Variants in RELN observed in about 807,000 individuals in gnomAD.
The protein encoded by RELN is reelin.
In RELN, 108 loss-of-function variants were observed where a neutral mutation model predicts 427.6. The ratio of observed to expected loss-of-function variants is 0.25; its 90% CI spans 0.22 to 0.30. The LOEUF is 0.30. Ranked by LOEUF, RELN falls within the 10% of genes least tolerant of loss-of-function variation. The pLI, the probability that RELN is intolerant of heterozygous loss-of-function variation, is 1.00. For missense variants in RELN, 3,715 were observed against 4,302.8 expected, an observed-to-expected ratio of 0.86 and a Z score of 3.82; for synonymous variants, 1,524 against 1,513.4, an observed-to-expected ratio of 1.01 and a Z score of -0.16.
intron 1 of RELN, among the ~76,000 whole-genome samples, chr7:103,923,450 C>T (rs918589835): frequency 8.1e-5 from 12 of 148,770 alleles, no homozygotes; most frequent in Non-Finnish European, 1.2e-4. Flanking sequence ...ATTCCCAAAC[C>T]AACAACAGCA....
At chr7:103,647,590 G>T (rs1380070186) in intron 16 of RELN, among the ~76,000 whole-genome samples, 1 of 150,740 alleles carries the variant, frequency 6.6e-6, no homozygotes, top group East Asian at 1.9e-4. Context: ...TATACTCATG[G>T]ATTAGAAGAA....
intron 10 of RELN, among the ~76,000 whole-genome samples, chr7:103,693,939 A>G (rs772974939): frequency 6.6e-5 from 10 of 152,166 alleles, no homozygotes; most frequent in Non-Finnish European, 1.3e-4. Flanking sequence ...TCTTCCTTAA[A>G]TACACAATAG....
chr7:103,519,971 CAT>C (rs1212431129), intron 48 of RELN, among the ~76,000 whole-genome samples: 3 of 152,176 alleles, frequency 2.0e-5, no homozygotes, highest in Non-Finnish European at 4.4e-5. Flanking sequence ...GTACCCAGCA[CAT>C]GTTTGCTGAA....
chr7:103,596,412 C>T lies in RELN; in HGVS notation c.3539+44G>A, dbSNP rs569347766. The T allele has an allele frequency of 1.4e-5, 21 of 1,501,826 alleles. 1 individual carries two copies. In the South Asian group the frequency reaches 2.3e-4, roughly 16 times the overall value. The allele number at this position is 1,501,826 out of a possible 1,614,324, so 93.0% of individuals were successfully genotyped here. A position where few individuals can be genotyped will look rare whatever the true frequency, so the allele number is the denominator to read the frequency against. On this transcript the variant is annotated intron_variant, in intron 25 of 64. Transcript: ENST00000428762. ...CACATCAACAATGATTTAACCTTTA[C>T]CATTCCTGGAAACTAATGCGAGGAC...
At chr7:103,972,083 A>G (rs561369018) in intron 1 of RELN, among the ~76,000 whole-genome samples, 1 of 152,300 alleles carries the variant, frequency 6.6e-6, no homozygotes, top group East Asian at 1.9e-4. Context: ...AAAAATAAGT[A>G]AATAGATAAA....
chr7:103,621,525 G>A (rs1271537834), intron 20 of RELN, among the ~76,000 whole-genome samples: 1 of 152,148 alleles, frequency 6.6e-6, no homozygotes, highest in Non-Finnish European at 1.5e-5. Context: ...CTAGGCAGAG[G>A]CACAGCTCAC....
intron 6 of RELN, among the ~76,000 whole-genome samples, chr7:103,737,300 T>C (rs1790519119): frequency 6.6e-6 from 1 of 152,244 alleles, no homozygotes; most frequent in Non-Finnish European, 1.5e-5. Context: ...TCACTGCCCA[T>C]GGGCGTGTTG....
intron 4 of RELN, among the ~76,000 whole-genome samples, chr7:103,767,042 G>A (rs1347772001): frequency 6.6e-6 from 1 of 152,226 alleles, no homozygotes; most frequent in African/African-American, 2.4e-5. Context: ...TAATCAATGT[G>A]TGTGTTTGAA....
chr7:103,658,803 A>ATCTCTC (rs140889823), intron 12 of RELN, among the ~76,000 whole-genome samples: 2 of 145,528 alleles, frequency 1.4e-5, no homozygotes, highest in Non-Finnish European at 3.0e-5. Context: ...ATCCTGGTTG[A>ATCTCTC]TCTCTCTCTC....
At chr7:103,591,965 C>A (rs2299339) in intron 27 of RELN, among the ~76,000 whole-genome samples, 1 of 152,004 alleles carries the variant, frequency 6.6e-6, no homozygotes, top group African/African-American at 2.4e-5. Flanking sequence ...AATAAAAATT[C>A]TCCCTGATTT....
rs118075886 is a variant in RELN, at chr7:103,666,890, G to A, written c.1290-5363C>T. On this transcript the variant is annotated intron_variant, in intron 11 of 64. Transcript: ENST00000428762. Reference sequence around the variant, plus strand: ...TGGAGAAGGAGCTCTTCAGGGTCCCGTATTTATACAAGAGTATCAGTTCTA... The same window carrying A: ...TGGAGAAGGAGCTCTTCAGGGTCCCATATTTATACAAGAGTATCAGTTCTA... Among the ~76,000 whole-genome samples, 120 of 152,090 alleles carry A rather than the reference G, an allele frequency of 7.9e-4. No individual in the cohort carries two copies. In the South Asian group the frequency reaches 0.012, roughly 15 times the overall value.
Position 103,495,803 on chromosome 7 carries a change from T to G in RELN, c.9289A>C (p.Asn3097His). Residue 3097 changes from asparagine to histidine, a missense_variant, in exon 57 of 65, where the codon AAT becomes CAT. This residue lies in a region of RELN where 1,310 missense variants were observed against 1,643.0 expected (regional missense o/e 0.80). Transcript: ENST00000428762. ...GNPSFHLYWPNKKKDKTHNAL... is the reference protein window; with the variant it reads ...GNPSFHLYWPHKKKDKTHNAL... Reference sequence around the variant, plus strand: ...TTGTGAGTCTTGTCCTTCTTTTTATTTGGCCAATAGAGGTGAAAGGATGGA... The same window carrying G: ...TTGTGAGTCTTGTCCTTCTTTTTATGTGGCCAATAGAGGTGAAAGGATGGA... The G allele has an allele frequency of 1.2e-6, 2 of 1,614,100 alleles. No homozygotes were observed. Among genetic ancestry groups the G allele is most frequent in the Non-Finnish European group, 1.7e-6 (2 of 1,179,986 alleles).
At chr7:103,504,457 GAC>G (rs1829141237) in intron 51 of RELN, 1 of 152,198 alleles carries the variant, frequency 6.6e-6, no homozygotes. Context: ...CAGCTTGAGA[GAC>G]AGCTGGCAAG....
chr7:103,919,133 CTTTTTTT>C (rs1187538150), intron 1 of RELN, among the ~76,000 whole-genome samples: 4 of 101,344 alleles, frequency 3.9e-5, no homozygotes, highest in South Asian at 3.4e-4. Flanking sequence ...GATAATCGGT[CTTTTTTT>C]TTTTTTTTTT....
chr7:103,875,338 A>T (rs989129068), intron 2 of RELN, among the ~76,000 whole-genome samples: 13 of 151,520 alleles, frequency 8.6e-5, no homozygotes, highest in Non-Finnish European at 1.9e-4. Flanking sequence ...CAATGGCAAC[A>T]AAAGCCAAAA....
intron 2 of RELN, among the ~76,000 whole-genome samples, chr7:103,882,895 C>A (rs1044696169): frequency 1.3e-5 from 2 of 152,134 alleles, no homozygotes; most frequent in African/African-American, 4.8e-5. Flanking sequence ...TAAAACTATT[C>A]CAACAAAAGA....
At chr7:103,572,844 GA>G (rs542968220) in intron 30 of RELN, among the ~76,000 whole-genome samples, 1 of 152,164 alleles carries the variant, frequency 6.6e-6, no homozygotes, top group Non-Finnish European at 1.5e-5. Flanking sequence ...GGAAACTCAA[GA>G]TGAAGATTTT....
intron 57 of RELN, 46 bp downstream of exon 57, chr7:103,495,677 C>G (rs766732171): frequency 6.3e-7 from 1 of 1,583,206 alleles, no homozygotes; most frequent in Non-Finnish European, 8.7e-7. Flanking sequence ...CCTCGAGGCC[C>G]CAAATGCAAT....
chr7:103,939,592 C>T (rs1331874193), intron 1 of RELN, among the ~76,000 whole-genome samples: 1 of 152,132 alleles, frequency 6.6e-6, no homozygotes, highest in African/African-American at 2.4e-5. Context: ...TGCATCAAGA[C>T]CTTTAAAATA....
Sources: gnomAD v4.1 joint callset for allele counts (sites outside exome capture counted in the v4.1 genomes callset) on GRCh38, gnomAD v4.1.1 for gene constraint, gnomAD v4.1.1 regional missense constraint, MANE v1.5 for transcripts, NCBI Gene and HGNC (gene_info 2026-07-23, HGNC 2026-07-21) for gene names.